The following SRGAP2B variants were observed in gnomAD, a reference collection of about 807,000 sequenced individuals.
The protein encoded by SRGAP2B is SLIT-ROBO Rho GTPase-activating protein 2B.
SRGAP2B carries 9 observed loss-of-function variants against 22.2 expected under a neutral mutation model. That is an observed-to-expected ratio of 0.41 (90% CI 0.24 to 0.71). SRGAP2B has a LOEUF of 0.71. Ranked by LOEUF, SRGAP2B falls within the 30% of genes least tolerant of loss-of-function variation. The probability of loss-of-function intolerance (pLI) is 0.35; values close to 1 mark genes in which losing one functional copy is unlikely to be tolerated. For synonymous variants in SRGAP2B, 36 were observed against 87.4 expected (o/e 0.41, Z 3.28); for missense variants, 114 against 235.8 (o/e 0.48, Z 3.38).
At chr1:145,045,323 A>AAAAGAGAAAG (rs1553628446) in intron 2 of SRGAP2B, among the ~76,000 whole-genome samples, 1 of 144,548 alleles carries the variant, frequency 6.9e-6, no homozygotes, top group Non-Finnish European at 1.5e-5. Flanking sequence ...AGAAAGAAAG[A>AAAAGAGAAAG]AAAGAGAAAG....
exon 3 of SRGAP2B, chr1:144,995,172 C>G: frequency 1.1e-6 from 1 of 918,178 alleles, no homozygotes; most frequent in Non-Finnish European, 1.6e-6. Flanking sequence ...CCAGGCATTT[C>G]ATCTGCTCTG....
chr1:145,023,750 CG>C (rs1312475537), intron 2 of SRGAP2B, among the ~76,000 whole-genome samples: 1 of 137,660 alleles, frequency 7.3e-6, no homozygotes, highest in Non-Finnish European at 1.6e-5. Context: ...CTATGCCCTG[CG>C]GGGAAAGACA....
At chr1:145,015,559 G>C (rs1229667242) in intron 2 of SRGAP2B, among the ~76,000 whole-genome samples, 2 of 148,404 alleles carry the variant, frequency 1.3e-5, no homozygotes, top group Non-Finnish European at 3.0e-5. Flanking sequence ...CGGGGAAAAA[G>C]ACGATGCTGT....
At chr1:145,025,106 T>C (rs1553624823) in intron 2 of SRGAP2B, among the ~76,000 whole-genome samples, 1 of 75,598 alleles carries the variant, frequency 1.3e-5, no homozygotes, top group Non-Finnish European at 2.5e-5. Flanking sequence ...TTTTTGAGCT[T>C]ACACACTGCT....
At chr1:144,957,750 C>G (rs1350801296) in intron 3 of SRGAP2B, among the ~76,000 whole-genome samples, 1 of 150,386 alleles carries the variant, frequency 6.6e-6, no homozygotes, top group Non-Finnish European at 1.5e-5. Context: ...TGCAAGAAAA[C>G]TTTCAAAATG....
At position 144,941,086 on chromosome 1, in the gene SRGAP2B, A is replaced by T. The variant is rs1458607777; in HGVS notation, c.423+14353T>A. ...TCCAAGTAATTATTATTTTCTTTTTATTATGTTTTTACCCACAATATCTTG... is the reference window on the plus strand; with the variant it reads ...TCCAAGTAATTATTATTTTCTTTTTTTTATGTTTTTACCCACAATATCTTG... On this transcript the variant is annotated intron_variant, in intron 4 of 9. Coordinates refer to ENST00000612199, the Ensembl canonical transcript of SRGAP2B. Among the ~76,000 whole-genome samples, 14 of 147,752 alleles carry T rather than the reference A, an allele frequency of 9.5e-5. 1 individual carries two copies. The highest frequency in any genetic ancestry group is 3.0e-5 in the Non-Finnish European group (2 of 67,286).
At chr1:144,907,844 G>A (rs1335085404) in intron 5 of SRGAP2B, among the ~76,000 whole-genome samples, 3 of 149,388 alleles carry the variant, frequency 2.0e-5, no homozygotes, top group Non-Finnish European at 4.4e-5. Context: ...AAGAATACTG[G>A]GACACTGACA....
At chr1:144,928,704 C>G (rs1664949441) in intron 4 of SRGAP2B, among the ~76,000 whole-genome samples, 1 of 143,876 alleles carries the variant, frequency 7.0e-6, no homozygotes, top group African/African-American at 2.7e-5. Flanking sequence ...TCCCAAAGTG[C>G]TGGGATTACA....
intron 4 of SRGAP2B, among the ~76,000 whole-genome samples, chr1:144,939,550 G>A (rs1553607013): frequency 7.0e-6 from 1 of 141,986 alleles, no homozygotes; most frequent in African/African-American, 2.8e-5. Flanking sequence ...CTTGAACCAT[G>A]TTTTAAGCTT....
chr1:144,926,979 T>G (rs1351361550), intron 4 of SRGAP2B, among the ~76,000 whole-genome samples: 1 of 151,898 alleles, frequency 6.6e-6, no homozygotes, highest in Non-Finnish European at 1.5e-5. Context: ...AGACGGAGTC[T>G]CACTCAGTTG....
intron 4 of SRGAP2B, among the ~76,000 whole-genome samples, chr1:144,944,586 CAAAA>C (rs3061760): frequency 4.9e-3 from 88 of 17,880 alleles, no homozygotes; most frequent in African/African-American, 0.014. Context: ...GTCTCCATCT[CAAAA>C]AAAAAAAAAA....
At chr1:144,953,360 T>C (rs1667029205) in intron 4 of SRGAP2B, among the ~76,000 whole-genome samples, 1 of 152,248 alleles carries the variant, frequency 6.6e-6, no homozygotes, top group Non-Finnish European at 1.5e-5. Flanking sequence ...TACAGAAATG[T>C]TCTGTTTCTT....
rs1461372143 is a variant in SRGAP2B at position 145,023,760 on chromosome 1, CA to C, written c.68-28561del. On this transcript the variant is annotated intron_variant, in intron 2 of 9. Transcript: ENST00000612199. ...TACTACTATGCCCTGCGGGGAAAGA[CA>C]AAAAATACTTGGTCAGAGCCCCATC... Among the ~76,000 whole-genome samples, 3 of 136,508 alleles carry C rather than the reference CA, an allele frequency of 2.2e-5. 1 individual carries two copies. The highest frequency in any genetic ancestry group is 4.9e-5 in the Non-Finnish European group (3 of 60,794). 89.6% of individuals were successfully genotyped at this position (136,508 alleles called of 152,430 possible).
At chr1:145,093,956 G>C (rs112906161) in intron 1 of SRGAP2B, among the ~76,000 whole-genome samples, 18 of 149,482 alleles carry the variant, frequency 1.2e-4, no homozygotes, top group Non-Finnish European at 2.1e-4. Context: ...ATGTTGATGG[G>C]GGGGCGGGGC....
chr1:144,971,223 T>G (rs1278837687), intron 3 of SRGAP2B, among the ~76,000 whole-genome samples: 1 of 148,100 alleles, frequency 6.8e-6, no homozygotes, highest in Non-Finnish European at 1.5e-5. Context: ...CTCCGCCTCC[T>G]GGGTTCAAGC....
At chr1:145,011,821 ACACTG>A in intron 2 of SRGAP2B, among the ~76,000 whole-genome samples, 1 of 149,740 alleles carries the variant, frequency 6.7e-6, no homozygotes, top group South Asian at 2.1e-4. Context: ...TCTACTCTCC[ACACTG>A]CAGCCCTGCT....
chr1:144,979,645 G>A (rs1669168890), intron 3 of SRGAP2B, among the ~76,000 whole-genome samples: 1 of 149,674 alleles, frequency 6.7e-6, no homozygotes, highest in Admixed American at 6.6e-5. Context: ...CTTCATGAAT[G>A]GTTTAGCACC....
chr1:144,970,212 G>A (rs1161692036), intron 3 of SRGAP2B, among the ~76,000 whole-genome samples: 2 of 136,198 alleles, frequency 1.5e-5, no homozygotes, highest in Non-Finnish European at 3.1e-5. Context: ...GTTTATTGCG[G>A]CATTATTCAC....
intron 3 of SRGAP2B, among the ~76,000 whole-genome samples, chr1:144,984,551 G>C (rs1273660308): frequency 6.6e-6 from 1 of 150,426 alleles, no homozygotes; most frequent in Non-Finnish European, 1.5e-5. Context: ...CTTTCCGTCT[G>C]TCTCTAGACT....
Sources: gnomAD v4.1 joint callset for allele counts (sites outside exome capture counted in the v4.1 genomes callset) on GRCh38, gnomAD v4.1.1 for gene constraint, MANE v1.5 for transcripts, NCBI Gene and HGNC (gene_info 2026-07-23, HGNC 2026-07-21) for gene names.